Variants in TIA1 observed in about 807,000 individuals in gnomAD.
TIA1 encodes the protein TIA1 cytotoxic granule associated RNA binding protein, also known as cytotoxic granule associated RNA binding protein TIA1.
Under a neutral mutation model 65.9 loss-of-function variants are expected in TIA1, and 23 were observed. That is an observed-to-expected ratio of 0.35 (90% CI 0.25 to 0.49). The LOEUF (loss-of-function observed/expected upper bound fraction) is 0.49, where lower values mean the gene tolerates loss of function less well. Among genes scored for constraint, TIA1 ranks in the 20% least tolerant of loss-of-function variants. TIA1 has a pLI of 0.98. For missense variants in TIA1, 371 were observed against 477.9 expected (o/e 0.78, Z 2.09); for synonymous variants, 147 against 149.4 (o/e 0.98, Z 0.12).
rs1314485196 is a variant in TIA1 at position 70,212,673 on chromosome 2, C to T, written c.*46G>A. 1.7e-6 allele frequency: 2 copies of T among 1,192,804 alleles called. No individual in the cohort carries two copies. The highest frequency in any genetic ancestry group is 2.5e-6 in the Non-Finnish European group (2 of 795,924). 73.9% of individuals were successfully genotyped at this position (1,192,804 alleles called of 1,614,324 possible). A position where few individuals can be genotyped will look rare whatever the true frequency, so the allele number is the denominator to read the frequency against. ...TTAAGTAAACAACGGCTTTACTACACTCCCTGTAGCCTCAAGCCACTGGCT... is the reference window on the plus strand; with the variant it reads ...TTAAGTAAACAACGGCTTTACTACATTCCCTGTAGCCTCAAGCCACTGGCT... On this transcript the variant is annotated 3_prime_UTR_variant, in exon 13 of 13. Transcript: ENST00000433529.
chr2:70,238,165 A>T lies in TIA1; in HGVS notation c.27-1990T>A, dbSNP rs75657609. On this transcript the variant is annotated intron_variant, in intron 1 of 12. Transcript: ENST00000433529. ...AACAGAGCGAGACTCCATCTCAATT[A>T]AAAAAAAAAATGTATACCATCAAAC... Among the ~76,000 whole-genome samples the T allele has an allele frequency of 1.9e-4, 26 of 139,288 alleles. No individual in the cohort carries two copies. In the East Asian group the frequency reaches 5.0e-3, roughly 27 times the overall value. The allele number at this position is 139,288 out of a possible 152,430, so 91.4% of individuals were successfully genotyped here.
At chr2:70,218,550 G>A (rs973690504) in intron 7 of TIA1, among the ~76,000 whole-genome samples, 1 of 152,126 alleles carries the variant, frequency 6.6e-6, no homozygotes, top group East Asian at 1.9e-4. Context: ...TCCTGTACAG[G>A]TGCCAGCCAC....
In TIA1 at chr2:70,225,250, A is replaced by G. The variant is rs1683312548; in HGVS notation, c.399-621T>C. The G allele has an allele frequency of 2.6e-6, 3 of 1,150,086 alleles. No individual in the cohort carries two copies. In the African/African-American group the frequency reaches 5.0e-5, roughly 19 times the overall value. 71.2% of individuals were successfully genotyped at this position (1,150,086 alleles called of 1,614,324 possible). A position where few individuals can be genotyped will look rare whatever the true frequency, so the allele number is the denominator to read the frequency against. On this transcript the variant is annotated intron_variant, in intron 6 of 12. Transcript: ENST00000433529. ...ATTTTACACTGAATTTTATAATAGC[A>G]TTCATATAAAATTGATTGGAACTAC...
At chr2:70,241,217 C>G (rs182003536) in intron 1 of TIA1, among the ~76,000 whole-genome samples, 3 of 151,794 alleles carry the variant, frequency 2.0e-5, no homozygotes, top group Non-Finnish European at 2.9e-5. Flanking sequence ...GAGACCGAGG[C>G]GGATCACAGG....
At chr2:70,223,944 A>G (rs1190920979) in intron 7 of TIA1, among the ~76,000 whole-genome samples, 4 of 151,920 alleles carry the variant, frequency 2.6e-5, no homozygotes, top group Non-Finnish European at 5.9e-5. Flanking sequence ...TTTTTGAGAC[A>G]GGGTCTCACT....
chr2:70,244,007 A>G (rs1167865378), intron 1 of TIA1, among the ~76,000 whole-genome samples: 1 of 152,214 alleles, frequency 6.6e-6, no homozygotes, highest in African/African-American at 2.4e-5. Context: ...CAGATAAGAT[A>G]GCCCTCATAA....
chr2:70,209,916 A>G lies in TIA1; in HGVS notation c.*2803T>C. The G allele has an allele frequency of 1.5e-5, 6 of 391,332 alleles. No homozygotes were observed. Among genetic ancestry groups the G allele is most frequent in the Non-Finnish European group, 1.4e-5 (3 of 221,902 alleles). 24.2% of individuals were successfully genotyped at this position (391,332 alleles called of 1,614,324 possible). A position where few individuals can be genotyped will look rare whatever the true frequency, so the allele number is the denominator to read the frequency against. ...CAAATGGAATAGAACTATAACACAC[A>G]AATAAAAGGAAGATGTACAAGCACA... On this transcript the variant is annotated 3_prime_UTR_variant, in exon 13 of 13. Transcript: ENST00000433529.
rs1676725962 is a variant in TIA1 at position 70,212,455 on chromosome 2, C to G, written c.*264G>C. The G allele has an allele frequency of 1.3e-5, 4 of 299,804 alleles. No homozygotes were observed. The highest frequency in any genetic ancestry group is 1.9e-5 in the Non-Finnish European group (3 of 154,786). 18.6% of individuals were successfully genotyped at this position (299,804 alleles called of 1,614,324 possible). On this transcript the variant is annotated 3_prime_UTR_variant, in exon 13 of 13. Transcript: ENST00000433529. ...TTAATAGTTAAAAAGTGGCAGCAAT[C>G]CCTGCATTTGTGTTTGAAACAAGGA... is the stretch of plus-strand genomic sequence containing the variant.
intron 1 of TIA1, among the ~76,000 whole-genome samples, chr2:70,238,561 C>T (rs1347963051): frequency 6.6e-6 from 1 of 151,958 alleles, no homozygotes; most frequent in Non-Finnish European, 1.5e-5. Context: ...ATGCAATGAA[C>T]ACATTTTTGA....
intron 6 of TIA1, among the ~76,000 whole-genome samples, chr2:70,226,863 TC>T (rs1307485153): frequency 6.6e-6 from 1 of 152,104 alleles, no homozygotes; most frequent in Admixed American, 6.6e-5. Flanking sequence ...CTTGGTCACA[TC>T]CCCTAATCAA....
Position 70,224,573 on chromosome 2 carries a change from A to G in TIA1, c.455T>C (p.Val152Ala), listed in dbSNP as rs754133747. 2.5e-6 allele frequency: 4 copies of G among 1,614,046 alleles called. No individual in the cohort carries two copies. Among genetic ancestry groups the G allele is most frequent in the East Asian group, 4.5e-5 (2 of 44,852 alleles). ...GCTCACCCATTTGTTGAAAAAGGAG[A>G]CAAAGCCATATCCCTTAGACTTTCC... is the stretch of plus-strand genomic sequence containing the variant. Reference protein sequence around the residue: ...ATGKSKGYGFVSFFNKWDAEN... With the variant: ...ATGKSKGYGFASFFNKWDAEN... The change falls in exon 7 of 13, where the codon GTC (valine) becomes GCC (alanine). Residue 152 changes from valine to alanine, a missense_variant. Physicochemically the swap from Val to Ala is moderately conservative, Grantham distance 64. Coordinates refer to ENST00000433529, the MANE Select transcript of TIA1 (RefSeq NM_022173.4).
chr2:70,242,012 G>A (rs992882128), intron 1 of TIA1, among the ~76,000 whole-genome samples: 7 of 151,950 alleles, frequency 4.6e-5, no homozygotes, highest in East Asian at 1.9e-4. Flanking sequence ...TTGGATCCTA[G>A]AATATAAAAA....
intron 3 of TIA1, 58 bp downstream of exon 3, chr2:70,230,698 T>C: frequency 5.0e-6 from 6 of 1,211,662 alleles, no homozygotes; most frequent in Non-Finnish European, 6.9e-6. Context: ...GGAAACAAAA[T>C]CATATATAAC....
At chr2:70,238,148 G>A (rs534111069) in intron 1 of TIA1, among the ~76,000 whole-genome samples, 35 of 149,390 alleles carry the variant, frequency 2.3e-4, no homozygotes, top group African/African-American at 8.6e-4. Context: ...GCAACAGAGC[G>A]AGACTCCATC....
At chr2:70,247,991 A>C (rs1326275430) in intron 1 of TIA1, among the ~76,000 whole-genome samples, 1 of 152,146 alleles carries the variant, frequency 6.6e-6, no homozygotes, top group Non-Finnish European at 1.5e-5. Flanking sequence ...AATCAAAAGT[A>C]AAATTAAAGG....
intron 2 of TIA1, among the ~76,000 whole-genome samples, chr2:70,235,441 C>G (rs999981619): frequency 5.9e-5 from 9 of 151,990 alleles, no homozygotes; most frequent in African/African-American, 2.2e-4. Context: ...GTCTTTTCCC[C>G]CCAACCAGGA....
intron 1 of TIA1, 64 bp downstream of exon 1, chr2:70,248,341 G>C (rs1386815274): frequency 6.4e-7 from 1 of 1,567,978 alleles, no homozygotes; most frequent in Non-Finnish European, 8.6e-7. Flanking sequence ...GAGCGGCGCA[G>C]GGCCGAGGCC....
Position 70,212,504 on chromosome 2 carries a change from G to T in TIA1, c.*215C>A, listed in dbSNP as rs1676737241. The T allele has an allele frequency of 2.5e-6, 1 of 404,424 alleles. No homozygotes were observed. The highest frequency in any genetic ancestry group is 4.6e-6 in the Non-Finnish European group (1 of 217,838). 25.1% of individuals were successfully genotyped at this position (404,424 alleles called of 1,614,324 possible). ...GATCTGAGAAACTTTATCAAAAAAG[G>T]TAATGAAGGCAAAAATTGGCAGACA... On this transcript the variant is annotated 3_prime_UTR_variant, in exon 13 of 13. Coordinates refer to ENST00000433529, the MANE Select transcript of TIA1 (RefSeq NM_022173.4).
intron 1 of TIA1, among the ~76,000 whole-genome samples, chr2:70,236,682 A>G (rs1371368506): frequency 1.3e-5 from 2 of 151,986 alleles, no homozygotes; most frequent in South Asian, 2.1e-4. Context: ...ACTAGAGTGT[A>G]GTGGCGCAAT....
Sources: allele counts gnomAD v4.1 joint callset (sites outside exome capture counted in the v4.1 genomes callset), GRCh38; gene constraint gnomAD v4.1.1; transcripts MANE v1.5; gene names NCBI Gene and HGNC (gene_info 2026-07-23, HGNC 2026-07-21).